The following HEY2 variants were observed in gnomAD, a reference collection of about 807,000 sequenced individuals.
HEY2 encodes the protein hes related family bHLH transcription factor with YRPW motif 2.
In HEY2, 10 loss-of-function variants were observed where a neutral mutation model predicts 18.1. That is an observed-to-expected ratio of 0.55 (90% CI 0.34 to 0.94). The LOEUF is 0.94. HEY2 is among the 40% of genes least tolerant of loss of function. The probability of loss-of-function intolerance (pLI) is 0.02; values close to 1 mark genes in which losing one functional copy is unlikely to be tolerated. For missense variants in HEY2, 455 were observed against 455.9 expected, an observed-to-expected ratio of 1.00 and a Z score of 0.02; for synonymous variants, 210 against 182.7, an observed-to-expected ratio of 1.15 and a Z score of -1.21.
At chr6:125,756,645 G>A (rs1773665847) in intron 4 of HEY2, among the ~76,000 whole-genome samples, 1 of 152,200 alleles carries the variant, frequency 6.6e-6, no homozygotes, top group Non-Finnish European at 1.5e-5. Context: ...CTGCCTCATA[G>A]TGCAGTGGTG....
Position 125,752,088 on chromosome 6 carries a change from CAAGT to C in HEY2, c.246+2_246+5del. Reference sequence around the variant, plus strand: ...ACTTGTGCCAACTGCTTTTGAAAAACAAGTAAGCTATCCCCTCCCCAGAATCCCC... The same window carrying C: ...ACTTGTGCCAACTGCTTTTGAAAAACAAGCTATCCCCTCCCCAGAATCCCC... On this transcript the variant is annotated splice_donor_variant and coding_sequence_variant, in exon 3 of 5. Coordinates refer to ENST00000368364, the MANE Select transcript of HEY2 (RefSeq NM_012259.3). LOFTEE classifies it high-confidence loss of function. The C allele has an allele frequency of 3.1e-6, 5 of 1,608,330 alleles. No individual in the cohort carries two copies. Among genetic ancestry groups the C allele is most frequent in the East Asian group, 2.2e-5 (1 of 44,814 alleles).
chr6:125,750,762 G>A (rs1220909764), intron 1 of HEY2, among the ~76,000 whole-genome samples: 1 of 152,216 alleles, frequency 6.6e-6, no homozygotes, highest in Non-Finnish European at 1.5e-5. Context: ...AATGAGGTCT[G>A]AAAAACAGAA....
At chr6:125,754,913 G>C (rs937696953) in intron 4 of HEY2, among the ~76,000 whole-genome samples, 1 of 152,220 alleles carries the variant, frequency 6.6e-6, no homozygotes, top group Admixed American at 6.5e-5. Context: ...CAGGAGGTTA[G>C]AGGTAATCCT....
intron 4 of HEY2, among the ~76,000 whole-genome samples, 166 bp from the exon 5 acceptor site, chr6:125,758,951 C>A (rs1014437882): frequency 2.0e-5 from 3 of 152,146 alleles, no homozygotes; most frequent in Non-Finnish European, 4.4e-5. Context: ...AAATTAAAAC[C>A]ATAAATAGCT....
rs1455406046 is a variant in HEY2 at position 125,751,510 on chromosome 6, TCTC to T, written c.84-290_84-288del. Among the ~76,000 whole-genome samples, 3 of 152,348 alleles carry T rather than the reference TCTC, an allele frequency of 2.0e-5. No individual in the cohort carries two copies. The East Asian group carries it at 5.8e-4, about 29-fold the overall frequency. On this transcript the variant is annotated intron_variant, in intron 1 of 4. Transcript: ENST00000368364. ...AACTAGGAAATGCTAATATCTAACT[TCTC>T]AGCCCAACTGCCGGTAATTATTTCA...
In HEY2 at chr6:125,759,466, C is replaced by T. The variant is rs1195249576; in HGVS notation, c.678C>T (p.Leu226=). Residue 226 remains leucine, a synonymous_variant, in exon 5 of 5, where the codon CTC becomes CTT. Transcript: ENST00000368364. ...TGCCTCCTGCCCACGGCTCTGCTCTCCTCACGGCCACGTTTGCCCATGCGG... is the reference window on the plus strand; with the variant it reads ...TGCCTCCTGCCCACGGCTCTGCTCTTCTCACGGCCACGTTTGCCCATGCGG... ...SEVPPAHGSA[L]LTATFAHADS... 1 of 1,611,560 alleles carries T rather than the reference C, an allele frequency of 6.2e-7. No individual in the cohort carries two copies. The highest frequency in any genetic ancestry group is 1.3e-5 in the African/African-American group (1 of 74,936).
Position 125,759,885 on chromosome 6 carries a change from C to A in HEY2, c.*83C>A. The A allele has an allele frequency of 9.1e-7, 1 of 1,095,854 alleles. No homozygotes were observed. Among genetic ancestry groups the A allele is most frequent in the Non-Finnish European group, 1.3e-6 (1 of 752,716 alleles). The allele number at this position is 1,095,854 out of a possible 1,614,324, so 67.9% of individuals were successfully genotyped here. A position where few individuals can be genotyped will look rare whatever the true frequency, so the allele number is the denominator to read the frequency against. The stretch of plus-strand genomic sequence containing the variant: ...AAAACCTCTGCACCCTGAAGGTAGC[C>A]ATACAGATGCCGACAGATCCACAAA... On this transcript the variant is annotated 3_prime_UTR_variant, in exon 5 of 5. Coordinates refer to ENST00000368364, the MANE Select transcript of HEY2 (RefSeq NM_012259.3).
In HEY2 at chr6:125,749,761, C is replaced by T; in HGVS notation, c.-16C>T. The stretch of plus-strand genomic sequence containing the variant: ...GAGCTTCCGGCCGGGCTGTGCCCCG[C>T]GCGGTCTTCGCCGGGATGAAGCGCC... On this transcript the variant is annotated 5_prime_UTR_variant, in exon 1 of 5. Coordinates refer to ENST00000368364, the MANE Select transcript of HEY2 (RefSeq NM_012259.3). 1 of 1,557,094 alleles carries T rather than the reference C, an allele frequency of 6.4e-7. No homozygotes were observed. Among genetic ancestry groups the T allele is most frequent in the African/African-American group, 1.4e-5 (1 of 73,354 alleles).
At chr6:125,751,902 T>C (rs1256858307) in intron 2 of HEY2, 23 bp downstream of exon 2, 3 of 1,596,156 alleles carry the variant, frequency 1.9e-6, no homozygotes. Flanking sequence ...TCCCCCTTTT[T>C]ATTTCATGTA....
intron 3 of HEY2, among the ~76,000 whole-genome samples, chr6:125,753,100 A>G (rs1773584661): frequency 6.6e-6 from 1 of 152,230 alleles, no homozygotes; most frequent in African/African-American, 2.4e-5. Context: ...TTTTTAAGAC[A>G]AAAAGCACAC....
Position 125,754,558 on chromosome 6 carries a change from A to C in HEY2, c.328+12A>C, listed in dbSNP as rs1413721774. 2 of 1,432,290 alleles carry C rather than the reference A, an allele frequency of 1.4e-6. No individual in the cohort carries two copies. The highest frequency in any genetic ancestry group is 1.3e-5 in the South Asian group (1 of 76,960). 88.7% of individuals were successfully genotyped at this position (1,432,290 alleles called of 1,614,324 possible). On this transcript the variant is annotated intron_variant, in intron 4 of 4. Transcript: ENST00000368364. ...AACAGGGGGTAAAGGTAAGTAGATGACTTCATTTTTTTTTTTTTTTGCCTT... is the reference window on the plus strand; with the variant it reads ...AACAGGGGGTAAAGGTAAGTAGATGCCTTCATTTTTTTTTTTTTTTGCCTT...
At chr6:125,754,844 G>T (rs561590547) in intron 4 of HEY2, among the ~76,000 whole-genome samples, 1 of 152,104 alleles carries the variant, frequency 6.6e-6, no homozygotes, top group Non-Finnish European at 1.5e-5. Flanking sequence ...CTTAAGAAGC[G>T]CATGCTGGAA....
Position 125,754,391 on chromosome 6 carries a change from A to G in HEY2, c.247-74A>G, listed in dbSNP as rs76091250. 1,475 of 807,334 alleles carry G rather than the reference A, an allele frequency of 1.8e-3. 8 individuals carry two copies. The African/African-American group carries it at 0.023, about 13-fold the overall frequency. The allele number at this position is 807,334 out of a possible 1,614,324, so 50.0% of individuals were successfully genotyped here. A position where few individuals can be genotyped will look rare whatever the true frequency, so the allele number is the denominator to read the frequency against. ...AGAGGGAAATTGAAGCCATAATGCTAAATTCAGTGTATAATGTTTCAGATT... is the reference window on the plus strand; with the variant it reads ...AGAGGGAAATTGAAGCCATAATGCTGAATTCAGTGTATAATGTTTCAGATT... On this transcript the variant is annotated intron_variant, in intron 3 of 4. Coordinates refer to ENST00000368364, the MANE Select transcript of HEY2 (RefSeq NM_012259.3).
chr6:125,758,181 C>T (rs899063049), intron 4 of HEY2, among the ~76,000 whole-genome samples: 4 of 152,042 alleles, frequency 2.6e-5, no homozygotes, highest in Non-Finnish European at 5.9e-5. Flanking sequence ...ATGGGCACTC[C>T]AATAATTAGA....
chr6:125,757,970 A>G (rs1191115789), intron 4 of HEY2, among the ~76,000 whole-genome samples: 1 of 152,236 alleles, frequency 6.6e-6, no homozygotes, highest in Non-Finnish European at 1.5e-5. Context: ...AAATTAATAA[A>G]TAACCTTATT....
intron 1 of HEY2, among the ~76,000 whole-genome samples, 170 bp downstream of exon 1, chr6:125,750,029 A>T (rs1773509350): frequency 6.6e-6 from 1 of 152,064 alleles, no homozygotes; most frequent in South Asian, 2.1e-4. Flanking sequence ...GTGAGTTGGG[A>T]TGGGGCAAGG....
chr6:125,753,891 T>A (rs748718920), intron 3 of HEY2, among the ~76,000 whole-genome samples: 1 of 152,228 alleles, frequency 6.6e-6, no homozygotes, highest in Non-Finnish European at 1.5e-5. Flanking sequence ...TCGTCCTTTT[T>A]AAAATTTTTG....
chr6:125,752,111 A>T (rs1773556108), intron 3 of HEY2, 21 bp downstream of exon 3: 1 of 1,502,680 alleles, frequency 6.7e-7, no homozygotes. Flanking sequence ...CCCTCCCCAG[A>T]ATCCCCCCAC....
chr6:125,757,808 A>AGTGTG (rs1773693579), intron 4 of HEY2, among the ~76,000 whole-genome samples: 1 of 152,160 alleles, frequency 6.6e-6, no homozygotes, highest in Admixed American at 6.5e-5. Context: ...AGATTAGCCA[A>AGTGTG]GTGTGGTGGC....
Sources: gnomAD v4.1 joint callset for allele counts (sites outside exome capture counted in the v4.1 genomes callset) on GRCh38, gnomAD v4.1.1 for gene constraint, MANE v1.5 for transcripts, NCBI Gene and HGNC (gene_info 2026-07-23, HGNC 2026-07-21) for gene names.